Variants in GMDS observed in about 807,000 individuals in gnomAD.
GMDS encodes GDP-mannose 4,6-dehydratase.
GMDS carries 20 observed loss-of-function variants against 49.9 expected under a neutral mutation model. The ratio of observed to expected loss-of-function variants is 0.40; its 90% CI spans 0.28 to 0.58. The LOEUF (loss-of-function observed/expected upper bound fraction) is 0.58, where lower values mean the gene tolerates loss of function less well. Ranked by LOEUF, GMDS falls within the 20% of genes least tolerant of loss-of-function variation. The pLI, the probability that GMDS is intolerant of heterozygous loss-of-function variation, is 0.42. For missense variants in GMDS, 362 were observed against 481.4 expected (o/e 0.75, Z 2.32); for synonymous variants, 177 against 178.6 (o/e 0.99, Z 0.07).
chr6:1,922,393 T>A (rs1761760190), intron 7 of GMDS, among the ~76,000 whole-genome samples: 1 of 152,132 alleles, frequency 6.6e-6, no homozygotes, highest in African/African-American at 2.4e-5. Context: ...TATGCTACTC[T>A]CCTGCATATG....
intron 7 of GMDS, among the ~76,000 whole-genome samples, chr6:1,810,360 G>A (rs1480379366): frequency 6.6e-6 from 1 of 152,118 alleles, no homozygotes; most frequent in Non-Finnish European, 1.5e-5. Context: ...GTGACTCACT[G>A]CAACCTCCAT....
At chr6:2,135,943 G>A (rs992615074) in intron 1 of GMDS, among the ~76,000 whole-genome samples, 4 of 152,104 alleles carry the variant, frequency 2.6e-5, no homozygotes, top group Non-Finnish European at 5.9e-5. Context: ...ACCATTGCAT[G>A]AACATTACAG....
intron 7 of GMDS, among the ~76,000 whole-genome samples, chr6:1,816,973 AT>A (rs1770696975): frequency 6.6e-6 from 1 of 151,174 alleles, no homozygotes; most frequent in East Asian, 1.9e-4. Context: ...TCGAGAAAAT[AT>A]TTTTTTCCTT....
At position 2,106,379 on chromosome 6, in the gene GMDS, G is replaced by A. The variant is rs569734064; in HGVS notation, c.345+9392C>T. On this transcript the variant is annotated intron_variant, in intron 4 of 10. Transcript: ENST00000380815. ...TAACAAGGCAAATTTTATAAACTCC[G>A]CCATATGTAAGGATAAAGTAGAAAT... Among the ~76,000 whole-genome samples, 98 of 152,048 alleles carry A rather than the reference G, an allele frequency of 6.4e-4. 1 individual carries two copies. Among genetic ancestry groups the A allele is most frequent in the African/African-American group, 2.1e-3 (88 of 41,446 alleles).
At chr6:1,935,611 C>T (rs891708096) in intron 6 of GMDS, among the ~76,000 whole-genome samples, 1 of 151,990 alleles carries the variant, frequency 6.6e-6, no homozygotes, top group African/African-American at 2.4e-5. Context: ...GGCATGTGGG[C>T]CTACACAGGA....
At chr6:2,015,029 A>G (rs1158674367) in intron 4 of GMDS, among the ~76,000 whole-genome samples, 1 of 152,176 alleles carries the variant, frequency 6.6e-6, no homozygotes, top group African/African-American at 2.4e-5. Flanking sequence ...CTTAAGAAGT[A>G]AGCACCCTAC....
intron 2 of GMDS, among the ~76,000 whole-genome samples, chr6:2,119,563 G>A (rs1012765386): frequency 3.9e-5 from 6 of 152,146 alleles, no homozygotes; most frequent in African/African-American, 1.4e-4. Context: ...TTCAAGACAA[G>A]CCAAAATGTG....
chr6:1,690,663 GA>G (rs1187348363), intron 9 of GMDS, among the ~76,000 whole-genome samples: 3 of 151,260 alleles, frequency 2.0e-5, no homozygotes, highest in Non-Finnish European at 2.9e-5. Context: ...AAATTTACAA[GA>G]AAAAAACCAA....
At chr6:2,026,545 G>A (rs899099099) in intron 4 of GMDS, among the ~76,000 whole-genome samples, 8 of 152,110 alleles carry the variant, frequency 5.3e-5, no homozygotes, top group African/African-American at 1.9e-4. Flanking sequence ...TATTTTCTAC[G>A]TCACTGGCCA....
intron 9 of GMDS, among the ~76,000 whole-genome samples, chr6:1,625,801 C>T (rs548906383): frequency 6.6e-6 from 1 of 152,210 alleles, no homozygotes; most frequent in Non-Finnish European, 1.5e-5. Context: ...CTTTTGCATA[C>T]ACAAATGTAC....
In GMDS at chr6:1,635,901, A is replaced by C. The variant is rs1311108343; in HGVS notation, c.988-11361T>G. ...CTGGGAGCTGCTCTTCTCTGCTCTC[A>C]GCTGGGGCTATCTTTAGGACACTAC... On this transcript the variant is annotated intron_variant, in intron 9 of 10. Transcript: ENST00000380815. The surrounding 1 kb of genome is among the most constrained non-coding windows in gnomAD (Gnocchi z 4.7). Among the ~76,000 whole-genome samples the C allele has an allele frequency of 6.6e-6, 1 of 152,168 alleles. No individual in the cohort carries two copies. The highest frequency in any genetic ancestry group is 1.9e-4 in the East Asian group (1 of 5,198).
intron 7 of GMDS, among the ~76,000 whole-genome samples, chr6:1,867,401 T>C (rs1581274797): frequency 6.6e-6 from 1 of 152,346 alleles, no homozygotes; most frequent in East Asian, 1.9e-4. Flanking sequence ...TTTAAAAAGG[T>C]AACGATCGGT....
intron 7 of GMDS, among the ~76,000 whole-genome samples, chr6:1,761,849 G>C (rs1768170343): frequency 6.6e-6 from 1 of 151,952 alleles, no homozygotes; most frequent in African/African-American, 2.4e-5. Context: ...TTTCTTCCAA[G>C]TACACAATGA....
chr6:1,953,029 T>A (rs149796760), intron 6 of GMDS, among the ~76,000 whole-genome samples: 223 of 152,322 alleles, frequency 1.5e-3, no homozygotes, highest in African/African-American at 5.2e-3. Flanking sequence ...CAAACTTTCC[T>A]AATGATCGAA....
chr6:2,017,043 A>G (rs1561978295), intron 4 of GMDS, among the ~76,000 whole-genome samples: 1 of 152,140 alleles, frequency 6.6e-6, no homozygotes, highest in Non-Finnish European at 1.5e-5. Context: ...AAAGAAATAA[A>G]CATAAAAGCT....
intron 4 of GMDS, among the ~76,000 whole-genome samples, chr6:2,104,809 T>TA (rs1562058307): frequency 1.3e-5 from 2 of 152,206 alleles, no homozygotes; most frequent in African/African-American, 4.8e-5. Flanking sequence ...TTAAGTCACT[T>TA]AAGTAAATAA....
intron 7 of GMDS, among the ~76,000 whole-genome samples, chr6:1,785,375 A>C (rs2113621537): frequency 6.6e-6 from 1 of 152,338 alleles, no homozygotes; most frequent in African/African-American, 2.4e-5. Context: ...TTGGTAGCTT[A>C]AGACCACCAT....
intron 9 of GMDS, among the ~76,000 whole-genome samples, chr6:1,678,489 T>C (rs747147191): frequency 6.6e-6 from 1 of 152,220 alleles, no homozygotes; most frequent in Non-Finnish European, 1.5e-5. Flanking sequence ...TTCAGTGTGT[T>C]TGGCTTTCTT....
chr6:2,040,429 AG>A (rs1450536936), intron 4 of GMDS, among the ~76,000 whole-genome samples: 2 of 152,252 alleles, frequency 1.3e-5, no homozygotes, highest in Non-Finnish European at 2.9e-5. Context: ...GTTACTATCC[AG>A]AACATGGGTT....
Sources: allele counts gnomAD v4.1 joint callset (sites outside exome capture counted in the v4.1 genomes callset), GRCh38; gene constraint gnomAD v4.1.1; non-coding constraint Gnocchi (gnomAD v3.1); transcripts MANE v1.5; gene names NCBI Gene and HGNC (gene_info 2026-07-23, HGNC 2026-07-21).